The following ERI1 variants were observed in gnomAD, a reference collection of about 807,000 sequenced individuals.
ERI1 encodes 3'-5' exoribonuclease 1.
ERI1 carries 39 observed loss-of-function variants against 39.7 expected under a neutral mutation model. That is an observed-to-expected ratio of 0.98 (90% CI 0.76 to 1.28). The LOEUF (loss-of-function observed/expected upper bound fraction) is 1.28. ERI1 is among the 50% of genes most tolerant of loss of function. ERI1 has a pLI of 0.00. For synonymous variants in ERI1, 204 were observed against 149.6 expected (o/e 1.36, Z -2.65); for missense variants, 581 against 416.9 (o/e 1.39, Z -3.43).
intron 3 of ERI1, among the ~76,000 whole-genome samples, chr8:9,015,783 G>A (rs7017868): frequency 0.46 from 68,995 of 148,508 alleles, 17,605 homozygotes; most frequent in African/African-American, 0.64. Context: ...CAACATTACT[G>A]TAGATACACA....
In ERI1 at chr8:9,030,180, A is replaced by T. The variant is rs948272064; in HGVS notation, c.*146A>T. 2.3e-5 allele frequency: 25 copies of T among 1,075,944 alleles called. No individual in the cohort carries two copies. The African/African-American group carries it at 3.8e-4, about 16-fold the overall frequency. 66.6% of individuals were successfully genotyped at this position (1,075,944 alleles called of 1,614,324 possible). ...ACAGGTGATAGAGATAGATACATGT[A>T]TGTGAACAGATTTTGTAGGAAGGCA... On this transcript the variant is annotated 3_prime_UTR_variant, in exon 7 of 7. Coordinates refer to ENST00000250263, the MANE Select transcript of ERI1 (RefSeq NM_153332.4).
At chr8:9,026,623 C>G (rs1041141659) in intron 6 of ERI1, among the ~76,000 whole-genome samples, 15 of 152,050 alleles carry the variant, frequency 9.9e-5, no homozygotes, top group Admixed American at 8.5e-4. Context: ...TATACCTAAT[C>G]CAAAAATTCA....
At chr8:9,025,766 G>C (rs531045287) in intron 6 of ERI1, among the ~76,000 whole-genome samples, 1 of 151,516 alleles carries the variant, frequency 6.6e-6, no homozygotes, top group African/African-American at 2.4e-5. Flanking sequence ...TCCCTAATTG[G>C]AAATGATTGG....
At chr8:9,084,073 G>A (rs1258722247) in intron 3 of ERI1, among the ~76,000 whole-genome samples, 9 of 152,266 alleles carry the variant, frequency 5.9e-5, no homozygotes, top group Middle Eastern at 3.4e-3. Flanking sequence ...GATTACAGGC[G>A]TGAGCCGCCG....
intron 3 of ERI1, among the ~76,000 whole-genome samples, chr8:9,060,565 G>GC (rs1798659930): frequency 6.6e-6 from 1 of 152,212 alleles, no homozygotes; most frequent in South Asian, 2.1e-4. Flanking sequence ...AGACGGGCTA[G>GC]CGGCTTGTAA....
rs6983526 is a variant in ERI1 at position 9,069,105 on chromosome 8, C to A, written n.300-47243C>A. Among the ~76,000 whole-genome samples, 1,279 of 152,322 alleles carry A rather than the reference C, an allele frequency of 8.4e-3. 17 individuals carry two copies. The highest frequency in any genetic ancestry group is 0.03 in the African/African-American group (1,237 of 41,562). ...AAGTGCTGGGATTACAGGCATGAGC[C>A]ACCACATCGGCCATTTTAAATATTT... is the stretch of plus-strand genomic sequence containing the variant. On this transcript the variant is annotated intron_variant and non_coding_transcript_variant, in intron 3 of 3. Coordinates refer to the ERI1 transcript ENST00000518663.
At chr8:9,011,420 T>A (rs536727147) in intron 2 of ERI1, 122 bp from the exon 3 acceptor site, 1 of 524,712 alleles carries the variant, frequency 1.9e-6, no homozygotes, top group Non-Finnish European at 3.3e-6. Flanking sequence ...ACATTTATTT[T>A]AGCTAGCATT....
intron 5 of ERI1, among the ~76,000 whole-genome samples, chr8:9,020,045 A>G (rs1817717501): frequency 1.3e-5 from 2 of 152,194 alleles, no homozygotes; most frequent in Non-Finnish European, 2.9e-5. Context: ...TAAGTCTGGC[A>G]GTAAAAGTAA....
At chr8:9,077,105 A>T (rs1033835725) in intron 3 of ERI1, among the ~76,000 whole-genome samples, 8 of 152,142 alleles carry the variant, frequency 5.3e-5, no homozygotes, top group African/African-American at 1.7e-4. Flanking sequence ...CCCATTACCT[A>T]CTGAAGTATG....
Position 9,020,446 on chromosome 8 carries a change from A to C in ERI1, c.789A>C (p.Ser263=), listed in dbSNP as rs1347761518. Reference sequence around the variant, plus strand: ...AAAAGTGGATCAATATTCGGAAGTCATATGGAAATTTTTACAAGGTAAAAT... The same window carrying C: ...AAAAGTGGATCAATATTCGGAAGTCCTATGGAAATTTTTACAAGGTAAAAT... The part of the protein sequence containing the change: ...FAKKWINIRK[S]YGNFYKVPRS... Residue 263 remains serine (S), a synonymous_variant, in exon 6 of 7, where the codon TCA becomes TCC. Coordinates refer to ENST00000250263, the MANE Select transcript of ERI1 (RefSeq NM_153332.4). 1 of 1,598,456 alleles carries C rather than the reference A, an allele frequency of 6.3e-7. No individual in the cohort carries two copies. The highest frequency in any genetic ancestry group is 1.3e-5 in the African/African-American group (1 of 74,430).
At chr8:9,019,380 A>G (rs994597106) in intron 5 of ERI1, among the ~76,000 whole-genome samples, 14 of 152,214 alleles carry the variant, frequency 9.2e-5, no homozygotes, top group African/African-American at 3.1e-4. Flanking sequence ...TTAAGTTTGG[A>G]AAAATGTTTA....
intron 3 of ERI1, among the ~76,000 whole-genome samples, chr8:9,067,134 T>A (rs180710479): frequency 3.3e-5 from 5 of 152,194 alleles, no homozygotes; most frequent in Admixed American, 2.0e-4. Flanking sequence ...TGACATAAAA[T>A]CGTTTTGGGA....
intron 3 of ERI1, among the ~76,000 whole-genome samples, chr8:9,039,460 AATC>A (rs1391905780): frequency 6.6e-6 from 1 of 152,186 alleles, no homozygotes; most frequent in Non-Finnish European, 1.5e-5. Flanking sequence ...AACATACAAA[AATC>A]ATTAAAAACC....
rs113722232 is a variant in ERI1, at chr8:9,003,105, G to A, written c.42G>A (p.Val14=). ...PQSKEPAGEA[V]ALALLESPRP... The stretch of plus-strand genomic sequence containing the variant: ...GTAAAGAGCCTGCCGGCGAGGCCGT[G>A]GCTCTCGCGCTGCTGGAGTCGCCGC... The change falls in exon 1 of 7, where the codon GTG becomes GTA. Residue 14 remains valine, a synonymous_variant. Coordinates refer to ENST00000250263, the MANE Select transcript of ERI1 (RefSeq NM_153332.4). 11 of 1,247,368 alleles carry A rather than the reference G, an allele frequency of 8.8e-6. No homozygotes were observed. The African/African-American group carries it at 9.3e-5, about 11-fold the overall frequency. 77.3% of individuals were successfully genotyped at this position (1,247,368 alleles called of 1,614,324 possible).
chr8:9,079,629 G>A (rs1055609403), intron 3 of ERI1, among the ~76,000 whole-genome samples: 1 of 152,180 alleles, frequency 6.6e-6, no homozygotes, highest in Middle Eastern at 3.2e-3. Context: ...GGAAGACTCA[G>A]CCCCAGGTAG....
chr8:9,070,611 C>T (rs1042333524), intron 3 of ERI1, among the ~76,000 whole-genome samples: 3 of 152,188 alleles, frequency 2.0e-5, no homozygotes, highest in Non-Finnish European at 4.4e-5. Flanking sequence ...TACTTATTCA[C>T]CCACGGAACA....
chr8:9,056,738 A>G (rs1798521497), intron 3 of ERI1, among the ~76,000 whole-genome samples: 1 of 152,186 alleles, frequency 6.6e-6, no homozygotes, highest in African/African-American at 2.4e-5. Flanking sequence ...TATTGATTTG[A>G]TAAATACTTC....
intron 3 of ERI1, chr8:9,049,989 A>G (rs1434194302): frequency 6.6e-6 from 1 of 152,202 alleles, no homozygotes; most frequent in Non-Finnish European, 1.5e-5. Flanking sequence ...AGACCTGAAC[A>G]CGTCCTCCCC....
intron 3 of ERI1, among the ~76,000 whole-genome samples, chr8:9,055,667 G>C (rs1415195185): frequency 6.6e-6 from 1 of 152,162 alleles, no homozygotes; most frequent in African/African-American, 2.4e-5. Flanking sequence ...AACCTCCTGA[G>C]TAGCTGGGAT....
Sources: gnomAD v4.1 joint callset for allele counts (sites outside exome capture counted in the v4.1 genomes callset) on GRCh38, gnomAD v4.1.1 for gene constraint, MANE v1.5 for transcripts, NCBI Gene and HGNC (gene_info 2026-07-23, HGNC 2026-07-21) for gene names.